Variants in PAPOLA observed in about 807,000 individuals in gnomAD.
PAPOLA encodes poly(A) polymerase alpha, also known as polynucleotide adenylyltransferase alpha.
A neutral mutation model predicts 100.6 loss-of-function variants in PAPOLA; 15 were observed. The ratio of observed to expected loss-of-function variants is 0.15; its 90% CI spans 0.10 to 0.23. The LOEUF (loss-of-function observed/expected upper bound fraction) is 0.23. Ranked by LOEUF, PAPOLA falls within the 10% of genes least tolerant of loss-of-function variation. The pLI, the probability that PAPOLA is intolerant of heterozygous loss-of-function variation, is 1.00. For synonymous variants in PAPOLA, 293 were observed against 300.0 expected (o/e 0.98, Z 0.24); for missense variants, 533 against 884.2 (o/e 0.60, Z 5.04).
chr14:96,505,334 C>A (rs1377493052), intron 1 of PAPOLA, among the ~76,000 whole-genome samples: 1 of 152,174 alleles, frequency 6.6e-6, no homozygotes, highest in Non-Finnish European at 1.5e-5. Flanking sequence ...GGTGCAAAAT[C>A]TGGTTGAGAA....
intron 21 of PAPOLA, among the ~76,000 whole-genome samples, chr14:96,563,755 AC>A (rs1902059499): frequency 6.6e-6 from 1 of 152,134 alleles, no homozygotes; most frequent in Non-Finnish European, 1.5e-5. Context: ...TTTCTGAAAT[AC>A]CTTTTCCATA....
At chr14:96,522,275 C>A (rs537333540) in intron 3 of PAPOLA, among the ~76,000 whole-genome samples, 1 of 151,946 alleles carries the variant, frequency 6.6e-6, no homozygotes, top group African/African-American at 2.4e-5. Context: ...GTGTGTGCCA[C>A]CATACCCAGC....
chr14:96,564,448 T>G (rs935895249), intron 21 of PAPOLA, among the ~76,000 whole-genome samples: 1 of 152,128 alleles, frequency 6.6e-6, no homozygotes, highest in East Asian at 1.9e-4. Flanking sequence ...AATATGAAAA[T>G]AATCTACCTA....
rs943332300 is a variant in PAPOLA, at chr14:96,532,727, C to A, written c.836+78C>A. On this transcript the variant is annotated intron_variant, in intron 9 of 21. Coordinates refer to ENST00000216277, the MANE Select transcript of PAPOLA (RefSeq NM_032632.5). ...GTCTTATTTCTATGACATTTCTCAG[C>A]TTGGTTTCAGATTCAAATTTTAGTT... 9.6e-6 allele frequency: 14 copies of A among 1,451,632 alleles called. No homozygotes were observed. In the African/African-American group the frequency reaches 1.9e-4, roughly 19 times the overall value. 89.9% of individuals were successfully genotyped at this position (1,451,632 alleles called of 1,614,324 possible).
chr14:96,538,659 G>GT (rs1218328286), intron 12 of PAPOLA, among the ~76,000 whole-genome samples: 2 of 151,958 alleles, frequency 1.3e-5, no homozygotes, highest in African/African-American at 4.8e-5. Context: ...CAATGGGCTA[G>GT]TTTTATCCAT....
chr14:96,565,872 T>C lies in PAPOLA; in HGVS notation c.*822T>C. The C allele has an allele frequency of 5.0e-6, 2 of 398,664 alleles. No homozygotes were observed. The allele number at this position is 398,664 out of a possible 1,614,324, so 24.7% of individuals were successfully genotyped here. A position where few individuals can be genotyped will look rare whatever the true frequency, so the allele number is the denominator to read the frequency against. ...TCTTGCGCCTTTCCCTCCCCTGTTT[T>C]CTTCCTTTTTCTTTTTGCTTGTATG... On this transcript the variant is annotated 3_prime_UTR_variant, in exon 22 of 22. Coordinates refer to ENST00000216277, the MANE Select transcript of PAPOLA (RefSeq NM_032632.5).
intron 6 of PAPOLA, among the ~76,000 whole-genome samples, chr14:96,530,394 CT>C (rs1239433337): frequency 2.5e-4 from 33 of 129,490 alleles, no homozygotes; most frequent in East Asian, 6.9e-4. Context: ...TTTTTTTTTT[CT>C]TTTTTTTTTT....
At chr14:96,525,954 G>C (rs936431901) in intron 4 of PAPOLA, 1 of 152,012 alleles carries the variant, frequency 6.6e-6, no homozygotes, top group African/African-American at 2.4e-5. Flanking sequence ...TATCACTCTG[G>C]AAATAGAACA....
At chr14:96,521,535 G>T (rs1254052417) in intron 3 of PAPOLA, among the ~76,000 whole-genome samples, 59 of 152,004 alleles carry the variant, frequency 3.9e-4, no homozygotes, top group Admixed American at 3.7e-3. Flanking sequence ...CTGTCATTCA[G>T]GCGGAGTGTA....
At chr14:96,519,478 T>C (rs1897761801) in intron 1 of PAPOLA, among the ~76,000 whole-genome samples, 1 of 152,268 alleles carries the variant, frequency 6.6e-6, no homozygotes, top group African/African-American at 2.4e-5. Context: ...AATAGCTGTG[T>C]GTGTGTAAAA....
At chr14:96,562,555 A>G (rs1444432834) in intron 20 of PAPOLA, 8 of 257,236 alleles carry the variant, frequency 3.1e-5, no homozygotes, top group East Asian at 1.6e-4. Context: ...AAATGTCCCA[A>G]GTTGGAGCTG....
intron 3 of PAPOLA, among the ~76,000 whole-genome samples, chr14:96,523,718 G>C (rs1036889253): frequency 6.6e-6 from 1 of 152,200 alleles, no homozygotes; most frequent in African/African-American, 2.4e-5. Flanking sequence ...GCCAAGGTGG[G>C]CTTATCACGA....
chr14:96,509,388 G>T (rs1018472870), intron 1 of PAPOLA, among the ~76,000 whole-genome samples: 10 of 151,780 alleles, frequency 6.6e-5, no homozygotes, highest in African/African-American at 2.4e-4. Flanking sequence ...AATTTTTTTT[G>T]TGTGTATAAC....
At chr14:96,519,843 G>A (rs914615119) in intron 1 of PAPOLA, among the ~76,000 whole-genome samples, 11 of 152,332 alleles carry the variant, frequency 7.2e-5, no homozygotes, top group African/African-American at 2.4e-4. Flanking sequence ...TTCTAACTTA[G>A]ATGTTTAAGT....
intron 5 of PAPOLA, 77 bp downstream of exon 5, chr14:96,527,616 C>A: frequency 3.8e-6 from 3 of 795,966 alleles, no homozygotes; most frequent in South Asian, 1.5e-5. Context: ...TATGATATAG[C>A]CATCATTTAT....
In PAPOLA at chr14:96,535,874, T is replaced by C. The variant is rs373329661; in HGVS notation, c.910-5T>C. 4.4e-6 allele frequency: 7 copies of C among 1,574,180 alleles called. No homozygotes were observed. In the African/African-American group the frequency reaches 9.5e-5, roughly 21 times the overall value. On this transcript the variant is annotated splice_polypyrimidine_tract_variant and splice_region_variant and intron_variant, in intron 10 of 21. Coordinates refer to ENST00000216277, the MANE Select transcript of PAPOLA (RefSeq NM_032632.5). Reference sequence around the variant, plus strand: ...AAGAAACTGATTGGCTGTTGTTGTATGTAGGTAAACCCCAGTGATAGGTAC... The same window carrying C: ...AAGAAACTGATTGGCTGTTGTTGTACGTAGGTAAACCCCAGTGATAGGTAC...
chr14:96,524,581 G>A (rs1383813198), intron 3 of PAPOLA, among the ~76,000 whole-genome samples: 1 of 151,950 alleles, frequency 6.6e-6, no homozygotes, highest in Non-Finnish European at 1.5e-5. Context: ...GAGTGCAGTG[G>A]CGTGATCATG....
At chr14:96,512,386 AT>A (rs1375606667) in intron 1 of PAPOLA, among the ~76,000 whole-genome samples, 5 of 152,170 alleles carry the variant, frequency 3.3e-5, no homozygotes, top group Non-Finnish European at 4.4e-5. Context: ...AATTAAAAAA[AT>A]ATATATCTTT....
intron 19 of PAPOLA, among the ~76,000 whole-genome samples, chr14:96,557,581 T>G (rs1595558631): frequency 6.7e-6 from 1 of 148,684 alleles, no homozygotes; most frequent in Middle Eastern, 3.5e-3. Flanking sequence ...TTTTTTTTTT[T>G]GCTAAGAATG....
Sources: gnomAD v4.1 joint callset for allele counts (sites outside exome capture counted in the v4.1 genomes callset) on GRCh38, gnomAD v4.1.1 for gene constraint, MANE v1.5 for transcripts, NCBI Gene and HGNC (gene_info 2026-07-23, HGNC 2026-07-21) for gene names.